The following AMZ2 variants were observed in gnomAD, a reference collection of about 807,000 sequenced individuals.
AMZ2 encodes the protein archaemetzincin-2.
A neutral mutation model predicts 36.7 loss-of-function variants in AMZ2; 26 were observed. The observed-to-expected ratio is 0.71, with a 90% confidence interval of 0.52 to 0.98. AMZ2 has a LOEUF of 0.98. Among genes scored for constraint, AMZ2 ranks in the 50% least tolerant of loss-of-function variants. The probability of loss-of-function intolerance (pLI) is 0.00; values close to 1 mark genes in which losing one functional copy is unlikely to be tolerated. For missense variants in AMZ2, 394 were observed against 430.5 expected, an observed-to-expected ratio of 0.92 and a Z score of 0.75; for synonymous variants, 144 against 149.1, an observed-to-expected ratio of 0.97 and a Z score of 0.25.
upstream of AMZ2, among the ~76,000 whole-genome samples, chr17:68,245,420 C>CT (rs1374619321): frequency 2.0e-4 from 28 of 143,564 alleles, no homozygotes; most frequent in East Asian, 1.0e-3. Flanking sequence ...TTTCTTTTTT[C>CT]TTTTTTTTTA....
chr17:68,250,116 A>C, intron 1 of AMZ2, 72 bp from the exon 2 acceptor site: 1 of 1,480,810 alleles, frequency 6.8e-7, no homozygotes, highest in Middle Eastern at 2.4e-4. Flanking sequence ...CAGAGCTGAA[A>C]TATAGAGGAT....
upstream of AMZ2, among the ~76,000 whole-genome samples, chr17:68,246,262 G>A (rs1433051107): frequency 6.7e-6 from 1 of 149,578 alleles, no homozygotes; most frequent in Non-Finnish European, 1.5e-5. Context: ...CAGCTACTCT[G>A]TAGACTGAGG....
chr17:68,243,042 T>TC (rs2073934744), upstream of AMZ2, among the ~76,000 whole-genome samples: 1 of 72,584 alleles, frequency 1.4e-5, no homozygotes, highest in Non-Finnish European at 2.8e-5. Context: ...AGGCTCTGTC[T>TC]CAAAAAAAAA....
intron 1 of AMZ2, among the ~76,000 whole-genome samples, chr17:68,219,049 C>T (rs1259010815): frequency 5.3e-5 from 8 of 152,112 alleles, no homozygotes; most frequent in African/African-American, 1.9e-4. Context: ...GTGGCCCAAT[C>T]TCGGCTCACT....
chr17:68,227,771 G>T (rs1298872547), intron 1 of AMZ2, among the ~76,000 whole-genome samples: 1 of 152,212 alleles, frequency 6.6e-6, no homozygotes, highest in Non-Finnish European at 1.5e-5. Context: ...GGAGGCTGAG[G>T]TGGGAGGATC....
At chr17:68,239,315 C>A (rs1188031493) in intron 1 of AMZ2, among the ~76,000 whole-genome samples, 2 of 152,184 alleles carry the variant, frequency 1.3e-5, no homozygotes, top group Admixed American at 1.3e-4. Context: ...CTCTGGGCTG[C>A]TTGCCTGCTG....
At chr17:68,222,979 AGAG>A (rs2073407653) in intron 1 of AMZ2, among the ~76,000 whole-genome samples, 1 of 151,938 alleles carries the variant, frequency 6.6e-6, no homozygotes, top group Non-Finnish European at 1.5e-5. Context: ...CTTGCCTTCA[AGAG>A]GAGGACAGAG....
intron 1 of AMZ2, among the ~76,000 whole-genome samples, chr17:68,211,990 T>C (rs1416824913): frequency 1.3e-5 from 2 of 151,826 alleles, no homozygotes; most frequent in Non-Finnish European, 2.9e-5. Context: ...TCTGTATATC[T>C]TTATCTCTAT....
chr17:68,222,701 C>T (rs183492159), intron 1 of AMZ2, among the ~76,000 whole-genome samples: 19 of 152,180 alleles, frequency 1.2e-4, no homozygotes, highest in African/African-American at 2.9e-4. Context: ...CCCTCAAATG[C>T]GCAGTTCACA....
chr17:68,208,258 G>C (rs1650899162), intron 1 of AMZ2, among the ~76,000 whole-genome samples: 1 of 152,182 alleles, frequency 6.6e-6, no homozygotes, highest in Admixed American at 6.5e-5. Context: ...GATCCACTGG[G>C]TGAAGCCAGC....
At chr17:68,255,042 A>G (rs1171898332) in intron 5 of AMZ2, among the ~76,000 whole-genome samples, 1 of 152,116 alleles carries the variant, frequency 6.6e-6, no homozygotes, top group Admixed American at 6.6e-5. Context: ...CCCTTTCTCC[A>G]TAGCCAGAGA....
At chr17:68,229,269 C>T (rs1385606683) in intron 1 of AMZ2, among the ~76,000 whole-genome samples, 2 of 152,140 alleles carry the variant, frequency 1.3e-5, no homozygotes, top group African/African-American at 2.4e-5. Flanking sequence ...TGTTTCCTCT[C>T]TGGGGAAGCA....
intron 1 of AMZ2, among the ~76,000 whole-genome samples, chr17:68,230,275 T>C (rs1364667602): frequency 2.0e-5 from 3 of 152,222 alleles, no homozygotes; most frequent in Admixed American, 2.0e-4. Context: ...AGTTTCACCA[T>C]GTTGGCCAGG....
Position 68,251,122 on chromosome 17 carries a change from A to G in AMZ2, c.530A>G (p.Asp177Gly). ...TGTGTTGTGGGAATAACAATGATTGATCTTTACCCAAGAGACTCGTGGAAT... is the reference window on the plus strand; with the variant it reads ...TGTGTTGTGGGAATAACAATGATTGGTCTTTACCCAAGAGACTCGTGGAAT... ...AFCVVGITMIDLYPRDSWNFV... is the reference protein window; with the variant it reads ...AFCVVGITMIGLYPRDSWNFV... Residue 177 changes from aspartate (D) to glycine (G), a missense_variant, in exon 4 of 7, where the codon GAT becomes GGT. Asp to Gly is a moderately conservative substitution (Grantham distance 94, BLOSUM62 -1). Transcript: ENST00000359904. 1 of 1,613,922 alleles carries G rather than the reference A, an allele frequency of 6.2e-7. No homozygotes were observed. Among genetic ancestry groups the G allele is most frequent in the South Asian group, 1.1e-5 (1 of 90,982 alleles).
intron 1 of AMZ2, among the ~76,000 whole-genome samples, chr17:68,211,798 G>GTATA (rs1274662517): frequency 4.0e-4 from 25 of 62,316 alleles, no homozygotes; most frequent in African/African-American, 1.4e-3. Context: ...ATGTATATAT[G>GTATA]TGTATATGTA....
At chr17:68,210,526 GAGA>G (rs1568338626) in intron 1 of AMZ2, among the ~76,000 whole-genome samples, 2 of 152,220 alleles carry the variant, frequency 1.3e-5, no homozygotes. Flanking sequence ...TGTAGGCTGG[GAGA>G]AGGAGAGAAT....
chr17:68,219,956 C>T (rs2073304883), intron 1 of AMZ2, among the ~76,000 whole-genome samples: 1 of 152,176 alleles, frequency 6.6e-6, no homozygotes, highest in African/African-American at 2.4e-5. Flanking sequence ...CCATCAGATT[C>T]AATCTAATTC....
chr17:68,236,654 C>G (rs1214246206), intron 1 of AMZ2, among the ~76,000 whole-genome samples: 1 of 150,172 alleles, frequency 6.7e-6, no homozygotes, highest in East Asian at 2.0e-4. Flanking sequence ...TCACTGCAAC[C>G]TCTGTCTCCC....
At position 68,248,130 on chromosome 17, in the gene AMZ2, G is replaced by T. The variant is rs1391485420; in HGVS notation, c.-576G>T. 1.0e-6 allele frequency: 1 copy of T among 986,362 alleles called. No homozygotes were observed. Among genetic ancestry groups the T allele is most frequent in the African/African-American group, 1.7e-5 (1 of 57,272 alleles). The allele number at this position is 986,362 out of a possible 1,614,324, so 61.1% of individuals were successfully genotyped here. ...TGTCGGGTCAGGGCGGTTCGCGGGT[G>T]CTGTCAGAGCTGGGCCGGGGCCCCT... On this transcript the variant is annotated 5_prime_UTR_variant, in exon 1 of 7. Coordinates refer to ENST00000359904, the MANE Select transcript of AMZ2 (RefSeq NM_016627.5).
Sources: gnomAD v4.1 joint callset for allele counts (sites outside exome capture counted in the v4.1 genomes callset) on GRCh38, gnomAD v4.1.1 for gene constraint, MANE v1.5 for transcripts, NCBI Gene and HGNC (gene_info 2026-07-23, HGNC 2026-07-21) for gene names.